Variants in PCLO observed in about 807,000 individuals in gnomAD.
PCLO encodes piccolo presynaptic cytomatrix protein, also known as protein piccolo.
In PCLO, 82 loss-of-function variants were observed where a neutral mutation model predicts 427.5. The ratio of observed to expected loss-of-function variants is 0.19; its 90% confidence interval spans 0.16 to 0.23. PCLO has a LOEUF of 0.23. Ranked by LOEUF, PCLO falls within the 10% of genes least tolerant of loss-of-function variation. The pLI, the probability that PCLO is intolerant of heterozygous loss-of-function variation, is 1.00. For missense variants in PCLO, 6,239 were observed against 6,115.9 expected (o/e 1.02, Z -0.67); for synonymous variants, 2,357 against 2,155.4 (o/e 1.09, Z -2.59).
At chr7:83,110,280 C>T (rs777928685) in intron 3 of PCLO, among the ~76,000 whole-genome samples, 12 of 151,606 alleles carry the variant, frequency 7.9e-5, no homozygotes, top group South Asian at 2.1e-4. Flanking sequence ...TATTAAGATC[C>T]GAGAACACAG....
At chr7:83,093,490 A>ATTTTTTT (rs1339244676) in intron 3 of PCLO, among the ~76,000 whole-genome samples, 8 of 65,976 alleles carry the variant, frequency 1.2e-4, no homozygotes, top group African/African-American at 3.2e-4. Context: ...ATATATATAT[A>ATTTTTTT]TATTTTTTTT....
At chr7:82,786,006 G>A (rs907099207) in intron 22 of PCLO, among the ~76,000 whole-genome samples, 9 of 152,082 alleles carry the variant, frequency 5.9e-5, no homozygotes, top group African/African-American at 1.7e-4. Flanking sequence ...ATTAGATAGT[G>A]GCTGTAAAAG....
intron 6 of PCLO, among the ~76,000 whole-genome samples, chr7:82,921,386 CA>C (rs1794592423): frequency 6.6e-6 from 1 of 151,734 alleles, no homozygotes; most frequent in Non-Finnish European, 1.5e-5. Context: ...GAAATGGGTA[CA>C]AAAACAGACA....
chr7:83,052,281 T>C (rs1347525908), intron 3 of PCLO, among the ~76,000 whole-genome samples: 1 of 151,962 alleles, frequency 6.6e-6, no homozygotes, highest in African/African-American at 2.4e-5. Context: ...AACAAAGTAC[T>C]CTTTGTCCTT....
chr7:82,911,581 T>C (rs932772098), intron 7 of PCLO, among the ~76,000 whole-genome samples: 1 of 152,146 alleles, frequency 6.6e-6, no homozygotes, highest in African/African-American at 2.4e-5. Context: ...CGGTGAAATA[T>C]ATATACTTTT....
intron 3 of PCLO, among the ~76,000 whole-genome samples, chr7:83,132,311 ATGAT>A (rs1173417785): frequency 1.3e-5 from 2 of 152,114 alleles, no homozygotes; most frequent in Admixed American, 1.3e-4. Flanking sequence ...TGAACAATGA[ATGAT>A]TATCTAATAC....
At chr7:83,101,189 T>C (rs878900293) in intron 3 of PCLO, among the ~76,000 whole-genome samples, 1 of 151,966 alleles carries the variant, frequency 6.6e-6, no homozygotes, top group Admixed American at 6.5e-5. Flanking sequence ...AAAAGGAACA[T>C]AATCAATTTC....
intron 8 of PCLO, among the ~76,000 whole-genome samples, chr7:82,906,620 A>G (rs1455156341): frequency 6.6e-6 from 1 of 152,060 alleles, no homozygotes; most frequent in African/African-American, 2.4e-5. Flanking sequence ...CACAAAAGTC[A>G]GCACATTTGT....
At chr7:82,989,397 C>T (rs565178073) in intron 3 of PCLO, among the ~76,000 whole-genome samples, 1 of 152,016 alleles carries the variant, frequency 6.6e-6, no homozygotes, top group South Asian at 2.1e-4. Flanking sequence ...TAATCAAAAT[C>T]TATTTTAAAA....
intron 14 of PCLO, 103 bp from the exon 15 acceptor site, chr7:82,838,445 T>A (rs1792284083): frequency 9.1e-6 from 6 of 662,468 alleles, no homozygotes; most frequent in Non-Finnish European, 1.5e-5. Flanking sequence ...ATAAGAAGCA[T>A]CAACTTTCAT....
chr7:82,836,020 T>C (rs1255298352), intron 15 of PCLO, among the ~76,000 whole-genome samples: 1 of 152,072 alleles, frequency 6.6e-6, no homozygotes, highest in Admixed American at 6.6e-5. Flanking sequence ...ACAAATTGCA[T>C]GAGGATAGCT....
chr7:82,828,075 C>A, intron 16 of PCLO, 109 bp from the exon 17 acceptor site: 1 of 674,472 alleles, frequency 1.5e-6, no homozygotes, highest in Admixed American at 2.8e-5. Flanking sequence ...TTTCAAATCA[C>A]TATATAATTA....
At position 82,858,606 on chromosome 7, in the gene PCLO, A is replaced by C. The variant is rs145757236; in HGVS notation, c.13655-11359T>G. Among the ~76,000 whole-genome samples, 329 of 152,316 alleles carry C rather than the reference A, an allele frequency of 2.2e-3. 2 individuals are homozygous for C. The highest frequency in any genetic ancestry group is 3.7e-3 in the Non-Finnish European group (251 of 68,016). On this transcript the variant is annotated intron_variant, in intron 10 of 24. Coordinates refer to ENST00000333891, the MANE Select transcript of PCLO (RefSeq NM_033026.6). The stretch of plus-strand genomic sequence containing the variant: ...ATTAATAAACAAATTCAGTAAAGTT[A>C]CAGGATATAAAATCAACAACAAAAA...
At chr7:82,806,236 AG>A (rs1791454839) in intron 20 of PCLO, among the ~76,000 whole-genome samples, 1 of 152,170 alleles carries the variant, frequency 6.6e-6, no homozygotes, top group Non-Finnish European at 1.5e-5. Context: ...GGCAAGATAA[AG>A]AAAATTGCTT....
chr7:82,843,886 G>A (rs543859723), intron 13 of PCLO, among the ~76,000 whole-genome samples: 90 of 151,874 alleles, frequency 5.9e-4, no homozygotes, highest in African/African-American at 1.9e-3. Flanking sequence ...GGGTGGTCTC[G>A]AACTCCTGGT....
chr7:83,014,334 T>G (rs1439154296), intron 3 of PCLO, among the ~76,000 whole-genome samples: 1 of 152,098 alleles, frequency 6.6e-6, no homozygotes, highest in East Asian at 1.9e-4. Flanking sequence ...TTGCCAGGAA[T>G]TTACAAGAAT....
Position 82,951,991 on chromosome 7 carries a change from C to G in PCLO, c.8962G>C (p.Gly2988Arg). ...RSGPYGYRGI[G>R]GMKPSMSDTN... is the part of the protein sequence containing the mutation. ...TCAGACATGGAAGGCTTCATTCCCC[C>G]AATCCCTCTATAACCATATGGCCCT... The change falls in exon 5 of 25, where the codon GGG (glycine) becomes CGG (arginine). Residue 2988 changes from glycine (G) to arginine (R), a missense_variant. By Grantham distance (125) the Gly-to-Arg change is moderately radical. Around this residue, in one of 5 missense-constraint regions of PCLO, gnomAD observed 4,677 missense variants for 4,468.4 expected, o/e 1.05. Transcript: ENST00000333891. The G allele has an allele frequency of 6.2e-7, 1 of 1,613,910 alleles. No homozygotes were observed.
At chr7:82,831,008 T>C (rs1377268582) in intron 16 of PCLO, among the ~76,000 whole-genome samples, 1 of 152,134 alleles carries the variant, frequency 6.6e-6, no homozygotes, top group East Asian at 1.9e-4. Context: ...CATATGAGTA[T>C]ATATTTAATT....
chr7:83,026,549 G>C (rs1174335488), intron 3 of PCLO, among the ~76,000 whole-genome samples: 9 of 151,332 alleles, frequency 5.9e-5, no homozygotes, highest in Non-Finnish European at 1.2e-4. Context: ...AGATCAACGA[G>C]ACAGAAAGTC....
Sources: allele counts gnomAD v4.1 joint callset (sites outside exome capture counted in the v4.1 genomes callset), GRCh38; gene constraint gnomAD v4.1.1; regional missense constraint gnomAD v4.1.1; transcripts MANE v1.5; gene names NCBI Gene and HGNC (gene_info 2026-07-23, HGNC 2026-07-21).